The following MYO1E variants were observed in gnomAD, a reference collection of about 807,000 sequenced individuals.
MYO1E encodes unconventional myosin-Ie.
In MYO1E, 68 loss-of-function variants were observed where a neutral mutation model predicts 151.1. That is an observed-to-expected ratio of 0.45 (90% confidence interval 0.37 to 0.55). The LOEUF (loss-of-function observed/expected upper bound fraction) is 0.55, where lower values mean the gene tolerates loss of function less well. Ranked by LOEUF, MYO1E falls within the 20% of genes least tolerant of loss-of-function variation. The pLI is 0.00. For missense variants in MYO1E, 1,363 were observed against 1,389.3 expected (o/e 0.98, Z 0.30); for synonymous variants, 601 against 501.7 (o/e 1.20, Z -2.64).
Position 59,209,815 on chromosome 15 carries a change from C to CTTTTTTTTTTTTTTTTTTTTTTT in MYO1E, c.1362+676_1362+698dup, listed in dbSNP as rs71119441. ...CTGTATCACTTTTATTTTGAATCAC[C>CTTTTTTTTTTTTTTTTTTTTTTT]TTTTTTTTTTTTTTTTTTTTTTTTT... On this transcript the variant is annotated intron_variant, in intron 13 of 27. Coordinates refer to ENST00000288235, the MANE Select transcript of MYO1E (RefSeq NM_004998.4). Among the ~76,000 whole-genome samples, 18 of 49,838 alleles carry CTTTTTTTTTTTTTTTTTTTTTTT rather than the reference C, an allele frequency of 3.6e-4. 4 individuals are homozygous for CTTTTTTTTTTTTTTTTTTTTTTT. Among genetic ancestry groups the CTTTTTTTTTTTTTTTTTTTTTTT allele is most frequent in the African/African-American group, 4.0e-4 (4 of 9,956 alleles). 32.7% of individuals were successfully genotyped at this position (49,838 alleles called of 152,430 possible).
chr15:59,180,404 G>A (rs2079651378), intron 18 of MYO1E, among the ~76,000 whole-genome samples: 1 of 152,132 alleles, frequency 6.6e-6, no homozygotes, highest in Non-Finnish European at 1.5e-5. Context: ...AGACTTTCAA[G>A]GTGACAAGCT....
intron 25 of MYO1E, among the ~76,000 whole-genome samples, chr15:59,155,545 C>T (rs1049559495): frequency 3.3e-5 from 5 of 152,128 alleles, no homozygotes; most frequent in Admixed American, 1.3e-4. Flanking sequence ...TGCTCAAGGT[C>T]GGAAACTTTG....
intron 22 of MYO1E, among the ~76,000 whole-genome samples, chr15:59,168,001 T>G (rs2079571851): frequency 6.6e-6 from 1 of 152,054 alleles, no homozygotes; most frequent in Admixed American, 6.5e-5. Flanking sequence ...AAATAAGGAT[T>G]TTTCCTGATC....
At chr15:59,309,317 TAA>T (rs1400689346) in intron 1 of MYO1E, among the ~76,000 whole-genome samples, 1 of 152,110 alleles carries the variant, frequency 6.6e-6, no homozygotes, top group Non-Finnish European at 1.5e-5. Flanking sequence ...TTCCATAAGT[TAA>T]GTGTCTCCTC....
chr15:59,349,645 G>A (rs545883579), intron 1 of MYO1E, among the ~76,000 whole-genome samples: 7 of 152,160 alleles, frequency 4.6e-5, no homozygotes, highest in Non-Finnish European at 1.0e-4. Context: ...TGTTCTACAT[G>A]ATGATGATAT....
chr15:59,336,626 G>A (rs1293193890), intron 1 of MYO1E, among the ~76,000 whole-genome samples: 1 of 151,948 alleles, frequency 6.6e-6, no homozygotes, highest in Non-Finnish European at 1.5e-5. Context: ...TATACTTTAA[G>A]TTCTGGGATA....
intron 1 of MYO1E, among the ~76,000 whole-genome samples, chr15:59,299,643 T>C (rs2080470786): frequency 6.6e-6 from 1 of 152,236 alleles, no homozygotes; most frequent in Non-Finnish European, 1.5e-5. Context: ...AGAAAAAGAA[T>C]ATAAATGCAA....
At chr15:59,337,544 C>T (rs571743013) in intron 1 of MYO1E, among the ~76,000 whole-genome samples, 18 of 152,180 alleles carry the variant, frequency 1.2e-4, no homozygotes, top group South Asian at 2.1e-4. Context: ...AAAAATATTT[C>T]GCTCGGCTGG....
intron 4 of MYO1E, among the ~76,000 whole-genome samples, chr15:59,237,783 A>C (rs1392422924): frequency 6.6e-6 from 1 of 152,214 alleles, no homozygotes; most frequent in African/African-American, 2.4e-5. Flanking sequence ...GCAAGGTGAC[A>C]CTCCTATTCC....
At chr15:59,206,283 G>A (rs2079833349) in intron 14 of MYO1E, among the ~76,000 whole-genome samples, 1 of 152,198 alleles carries the variant, frequency 6.6e-6, no homozygotes, top group Non-Finnish European at 1.5e-5. Flanking sequence ...AATACATGTA[G>A]CAGGGTGATT....
At chr15:59,319,443 A>T (rs996463769) in intron 1 of MYO1E, among the ~76,000 whole-genome samples, 3 of 151,592 alleles carry the variant, frequency 2.0e-5, no homozygotes, top group Non-Finnish European at 4.4e-5. Flanking sequence ...TGACATTTCT[A>T]GTAAGTTTAG....
intron 17 of MYO1E, among the ~76,000 whole-genome samples, chr15:59,194,550 A>C (rs1297540049): frequency 6.6e-6 from 1 of 152,190 alleles, no homozygotes; most frequent in Non-Finnish European, 1.5e-5. Context: ...TCTTCACTCG[A>C]CACCTAAAAG....
At chr15:59,152,179 C>A (rs191664211) in intron 26 of MYO1E, among the ~76,000 whole-genome samples, 41 of 152,230 alleles carry the variant, frequency 2.7e-4, no homozygotes, top group Admixed American at 2.7e-3. Flanking sequence ...TGAGCCGAGA[C>A]TGCACCACTG....
At chr15:59,183,722 TA>T (rs534017240) in intron 18 of MYO1E, among the ~76,000 whole-genome samples, 117 of 152,334 alleles carry the variant, frequency 7.7e-4, no homozygotes, top group African/African-American at 2.8e-3. Flanking sequence ...AATGTACAGT[TA>T]AATTATATTT....
chr15:59,363,949 G>C (rs1285467366), intron 1 of MYO1E, among the ~76,000 whole-genome samples: 2 of 151,996 alleles, frequency 1.3e-5, no homozygotes, highest in Non-Finnish European at 2.9e-5. Context: ...TAATTTTTTT[G>C]TATTTTTAGT....
intron 1 of MYO1E, among the ~76,000 whole-genome samples, chr15:59,333,608 C>G (rs1038732464): frequency 6.6e-6 from 1 of 152,184 alleles, no homozygotes; most frequent in Non-Finnish European, 1.5e-5. Flanking sequence ...TACCCACAAC[C>G]CTACCACACA....
rs77461996 is a variant in MYO1E, at chr15:59,168,164, T to C, written c.2480+3733A>G. Among the ~76,000 whole-genome samples the C allele has an allele frequency of 7.2e-3, 1,096 of 152,288 alleles. 11 individuals are homozygous for C. Among genetic ancestry groups the C allele is most frequent in the African/African-American group, 0.025 (1,027 of 41,556 alleles). ...ACTCAACTAGACATATATCTGTATG[T>C]TTAGAAAAGATAAAGACTTCTAAAA... On this transcript the variant is annotated intron_variant, in intron 22 of 27. Coordinates refer to ENST00000288235, the MANE Select transcript of MYO1E (RefSeq NM_004998.4).
intron 18 of MYO1E, among the ~76,000 whole-genome samples, chr15:59,187,205 C>T (rs961796157): frequency 5.3e-5 from 8 of 151,924 alleles, no homozygotes; most frequent in Non-Finnish European, 1.2e-4. Context: ...ATTTATTCTA[C>T]AATAAATAAC....
intron 23 of MYO1E, among the ~76,000 whole-genome samples, chr15:59,162,059 C>A: frequency 6.6e-6 from 1 of 152,106 alleles, no homozygotes; most frequent in East Asian, 1.9e-4. Context: ...GTGTTTTAGA[C>A]AGGGTCTTGC....
Sources: gnomAD v4.1 joint callset for allele counts (sites outside exome capture counted in the v4.1 genomes callset) on GRCh38, gnomAD v4.1.1 for gene constraint, MANE v1.5 for transcripts, NCBI Gene and HGNC (gene_info 2026-07-23, HGNC 2026-07-21) for gene names.